ACER3: variants seen among roughly 807,000 people sequenced by gnomAD.
ACER3 encodes alkCDase 3.
ACER3 carries 16 observed loss-of-function variants against 48.9 expected under a neutral mutation model. That is an observed-to-expected ratio of 0.33 (90% CI 0.22 to 0.50). The LOEUF (loss-of-function observed/expected upper bound fraction) is 0.50. Ranked by LOEUF, ACER3 falls within the 20% of genes least tolerant of loss-of-function variation. The pLI is 0.98. For missense variants in ACER3, 227 were observed against 326.0 expected (o/e 0.70, Z 2.34); for synonymous variants, 109 against 107.8 (o/e 1.01, Z -0.07).
chr11:76,890,034 G>T (rs571070140), intron 1 of ACER3, among the ~76,000 whole-genome samples: 8 of 152,040 alleles, frequency 5.3e-5, no homozygotes, highest in Admixed American at 1.3e-4. Flanking sequence ...TTTTATGGCT[G>T]CATGTTTCCT....
rs1349937635 is a variant in ACER3, at chr11:76,874,738, G to GAC, written c.103+13660_103+13661dup. ...GAGTTTCTAGGGTGTGGGAGGTGGG[G>GAC]ACGGGGGCAGTTAAAGCTTTATTTT... On this transcript the variant is annotated intron_variant, in intron 1 of 10. Coordinates refer to ENST00000532485, the MANE Select transcript of ACER3 (RefSeq NM_018367.7). 3.3e-5 allele frequency among the ~76,000 whole-genome samples: 5 copies of GAC among 152,212 alleles called. No individual in the cohort carries two copies. In the South Asian group the frequency reaches 6.2e-4, roughly 19 times the overall value.
intron 7 of ACER3, among the ~76,000 whole-genome samples, chr11:77,008,345 A>T (rs1290896317): frequency 6.6e-6 from 1 of 152,240 alleles, no homozygotes; most frequent in Admixed American, 6.5e-5. Context: ...TCCTTGACTT[A>T]AATCAAGTCT....
intron 7 of ACER3, among the ~76,000 whole-genome samples, chr11:77,011,047 G>C (rs2135310265): frequency 6.6e-6 from 1 of 152,340 alleles, no homozygotes; most frequent in South Asian, 2.1e-4. Flanking sequence ...GAGATCCAAT[G>C]AAAGAGAGAG....
intron 1 of ACER3, among the ~76,000 whole-genome samples, chr11:76,904,867 G>A (rs1299890527): frequency 6.6e-6 from 1 of 151,570 alleles, no homozygotes; most frequent in Admixed American, 6.6e-5. Context: ...GTGTGTGTGT[G>A]TTTGAGATGG....
chr11:76,933,885 C>T (rs1409467600), intron 2 of ACER3, among the ~76,000 whole-genome samples: 2 of 151,768 alleles, frequency 1.3e-5, no homozygotes, highest in Non-Finnish European at 2.9e-5. Flanking sequence ...CTCCTCACTT[C>T]TCAGATGGGG....
chr11:76,952,228 C>G (rs1947690517), intron 2 of ACER3, among the ~76,000 whole-genome samples: 1 of 150,612 alleles, frequency 6.6e-6, no homozygotes, highest in South Asian at 2.1e-4. Context: ...ATGTGTAGAA[C>G]ATATCCAAGA....
chr11:76,964,743 G>T (rs1006467747), intron 3 of ACER3, among the ~76,000 whole-genome samples: 3 of 151,464 alleles, frequency 2.0e-5, no homozygotes, highest in African/African-American at 7.4e-5. Context: ...CAGACCTGCA[G>T]CTGAGGGTCC....
At chr11:76,908,659 AT>A (rs1294952363) in intron 1 of ACER3, among the ~76,000 whole-genome samples, 10 of 152,214 alleles carry the variant, frequency 6.6e-5, no homozygotes, top group African/African-American at 2.4e-5. Flanking sequence ...TATTGTGAAA[AT>A]GGCCATACTG....
rs754875567 is a variant in ACER3, at chr11:76,860,927, C to G, written c.-50C>G. ...GGCCGGAGCCGGCCTGGTCGCCAGC[C>G]TAACCCGGCACAGTGAGCGGAGCGC... On this transcript the variant is annotated 5_prime_UTR_variant, in exon 1 of 11. Coordinates refer to ENST00000532485, the MANE Select transcript of ACER3 (RefSeq NM_018367.7). 21 of 1,387,938 alleles carry G rather than the reference C, an allele frequency of 1.5e-5. No individual in the cohort carries two copies. The highest frequency in any genetic ancestry group is 2.0e-5 in the Non-Finnish European group (21 of 1,037,144). The allele number at this position is 1,387,938 out of a possible 1,614,324, so 86.0% of individuals were successfully genotyped here.
intron 1 of ACER3, among the ~76,000 whole-genome samples, chr11:76,920,575 T>C (rs1946659653): frequency 6.6e-6 from 1 of 152,092 alleles, no homozygotes; most frequent in Non-Finnish European, 1.5e-5. Flanking sequence ...CTTACTCTTA[T>C]AAGTTAATAA....
intron 3 of ACER3, among the ~76,000 whole-genome samples, chr11:76,962,704 T>G (rs938298414): frequency 1.3e-5 from 2 of 151,218 alleles, no homozygotes; most frequent in Non-Finnish European, 2.9e-5. Context: ...GTAAAGAAAT[T>G]TATTGCAAAG....
intron 6 of ACER3, among the ~76,000 whole-genome samples, chr11:76,994,832 G>A (rs1268835502): frequency 6.6e-6 from 1 of 152,178 alleles, no homozygotes; most frequent in Non-Finnish European, 1.5e-5. Context: ...TACTGGTGAG[G>A]TGGTTAGGTC....
chr11:76,902,040 C>G (rs990471720), intron 1 of ACER3, among the ~76,000 whole-genome samples: 1 of 110,524 alleles, frequency 9.0e-6, no homozygotes, highest in African/African-American at 2.7e-5. Context: ...ATAAATGTCC[C>G]TTGTGGCATT....
At chr11:76,884,435 C>T (rs1275756379) in intron 1 of ACER3, among the ~76,000 whole-genome samples, 1 of 150,042 alleles carries the variant, frequency 6.7e-6, no homozygotes, top group Non-Finnish European at 1.5e-5. Flanking sequence ...CAAGTTACTC[C>T]ATTATGGCTA....
intron 1 of ACER3, among the ~76,000 whole-genome samples, chr11:76,914,304 T>C (rs4264179): frequency 0.72 from 109,782 of 151,984 alleles, 40,054 homozygotes; most frequent in African/African-American, 0.78. Context: ...ACTCATCTGA[T>C]AAAGGGCTAA....
chr11:76,949,736 G>A (rs7118970), intron 2 of ACER3, among the ~76,000 whole-genome samples: 19,692 of 152,170 alleles, frequency 0.13, 4,296 homozygotes, highest in African/African-American at 0.45. Flanking sequence ...TAGTGTGTCA[G>A]TAATGAAAAC....
intron 1 of ACER3, among the ~76,000 whole-genome samples, chr11:76,861,333 A>C (rs1266510862): frequency 6.7e-6 from 1 of 149,852 alleles, no homozygotes; most frequent in African/African-American, 2.5e-5. Context: ...GAGCAGTGGG[A>C]AGTGGGGAGC....
At chr11:76,951,417 T>A (rs770166723) in intron 2 of ACER3, among the ~76,000 whole-genome samples, 9 of 152,186 alleles carry the variant, frequency 5.9e-5, no homozygotes, top group Non-Finnish European at 1.2e-4. Flanking sequence ...GCAGTGTTGA[T>A]CCTCTTGGTC....
intron 1 of ACER3, among the ~76,000 whole-genome samples, chr11:76,873,417 C>G (rs1945294270): frequency 1.3e-5 from 2 of 152,210 alleles, no homozygotes; most frequent in South Asian, 4.1e-4. Flanking sequence ...TCTAACTTTG[C>G]AAACCAAGTT....
Sources: allele counts gnomAD v4.1 joint callset (sites outside exome capture counted in the v4.1 genomes callset), GRCh38; gene constraint gnomAD v4.1.1; transcripts MANE v1.5; gene names NCBI Gene and HGNC (gene_info 2026-07-23, HGNC 2026-07-21).